The following OXR1 variants were observed in gnomAD, a reference collection of about 807,000 sequenced individuals.
OXR1 encodes the protein oxidation resistance protein 1.
A neutral mutation model predicts 104.6 loss-of-function variants in OXR1; 41 were observed. The observed-to-expected ratio is 0.39, with a 90% CI of 0.31 to 0.51. The LOEUF (loss-of-function observed/expected upper bound fraction) is 0.51, where lower values mean the gene tolerates loss of function less well. Ranked by LOEUF, OXR1 falls within the 20% of genes least tolerant of loss-of-function variation. OXR1 has a pLI of 0.77. For missense variants in OXR1, 955 were observed against 1,031.9 expected, an observed-to-expected ratio of 0.93 and a Z score of 1.02; for synonymous variants, 348 against 348.4, an observed-to-expected ratio of 1.00 and a Z score of 0.01.
intron 1 of OXR1, among the ~76,000 whole-genome samples, chr8:106,357,200 A>G (rs1483039754): frequency 6.7e-6 from 1 of 150,048 alleles, no homozygotes; most frequent in Non-Finnish European, 1.5e-5. Flanking sequence ...ATATGTGTAT[A>G]TATGTGTGTG....
At chr8:106,550,294 C>T (rs12675161) in intron 3 of OXR1, among the ~76,000 whole-genome samples, 26,439 of 152,142 alleles carry the variant, frequency 0.17, 2,443 homozygotes, top group East Asian at 0.34. Flanking sequence ...GTACACTAGA[C>T]AAAGAAGAGC....
chr8:106,398,803 C>T (rs1489407967), intron 2 of OXR1, among the ~76,000 whole-genome samples: 1 of 152,140 alleles, frequency 6.6e-6, no homozygotes, highest in Non-Finnish European at 1.5e-5. Context: ...AGGGCCTACG[C>T]TTGAAATAAT....
chr8:106,591,628 A>G (rs1819101470), intron 3 of OXR1, among the ~76,000 whole-genome samples: 1 of 152,204 alleles, frequency 6.6e-6, no homozygotes, highest in East Asian at 1.9e-4. Flanking sequence ...TCCAAAGGTC[A>G]CACAGCTGGT....
In OXR1 at chr8:106,380,838, A is replaced by T. The variant is rs73698961; in HGVS notation, c.23+21202A>T. Among the ~76,000 whole-genome samples the T allele has an allele frequency of 7.5e-3, 1,148 of 152,316 alleles. 16 individuals carry two copies. Among genetic ancestry groups the T allele is most frequent in the African/African-American group, 0.025 (1,056 of 41,576 alleles). On this transcript the variant is annotated intron_variant, in intron 2 of 16. Coordinates refer to ENST00000517566, the MANE Select transcript of OXR1 (RefSeq NM_001198533.2). ...CATTATGGAATTATAAAAGTTCTTC[A>T]TATCTTTTAGATGCAGGCCCTTATC...
chr8:106,658,239 G>C, intron 3 of OXR1: 2 of 1,230,042 alleles, frequency 1.6e-6, no homozygotes, highest in Non-Finnish European at 2.0e-6. Flanking sequence ...TGAGGGCTGT[G>C]GGGAGGCGGC....
At chr8:106,710,918 A>G (rs894646100) in intron 10 of OXR1, 128 bp downstream of exon 10, 21 of 550,182 alleles carry the variant, frequency 3.8e-5, no homozygotes, top group Admixed American at 1.7e-4. Flanking sequence ...CAATAAGTCT[A>G]TTTGAAACCA....
chr8:106,605,127 G>A (rs1345883886), intron 3 of OXR1: 1 of 152,190 alleles, frequency 6.6e-6, no homozygotes, highest in Non-Finnish European at 1.5e-5. Context: ...GTTCCTTTGT[G>A]CTGAAAACAT....
intron 3 of OXR1, among the ~76,000 whole-genome samples, chr8:106,578,140 G>A (rs896254878): frequency 1.3e-5 from 2 of 152,112 alleles, no homozygotes; most frequent in African/African-American, 4.8e-5. Flanking sequence ...TATGTTTCCC[G>A]ATATTGCATA....
chr8:106,697,696 T>G (rs1016727928), intron 7 of OXR1: 3 of 1,614,094 alleles, frequency 1.9e-6, no homozygotes, highest in South Asian at 1.1e-5. Context: ...GTCAGTGGTG[T>G]TAATGCCATA....
intron 1 of OXR1, among the ~76,000 whole-genome samples, chr8:106,276,753 CAAA>C (rs56303147): frequency 1.8e-4 from 14 of 77,746 alleles, no homozygotes; most frequent in African/African-American, 2.9e-4. Flanking sequence ...CTGTTAGAGG[CAAA>C]AAAAAAAAAA....
chr8:106,312,174 C>T (rs891204981), intron 1 of OXR1, among the ~76,000 whole-genome samples: 2 of 152,188 alleles, frequency 1.3e-5, no homozygotes, highest in African/African-American at 4.8e-5. Context: ...ATGTCTTGAA[C>T]ATACACCTCC....
intron 11 of OXR1, among the ~76,000 whole-genome samples, chr8:106,722,800 T>G (rs941600463): frequency 3.3e-5 from 5 of 152,332 alleles, no homozygotes; most frequent in Non-Finnish European, 5.9e-5. Flanking sequence ...AACATATCCC[T>G]GTCATTATGT....
chr8:106,738,987 T>C (rs1834656373), intron 12 of OXR1, among the ~76,000 whole-genome samples: 1 of 152,048 alleles, frequency 6.6e-6, no homozygotes, highest in African/African-American at 2.4e-5. Context: ...TACTATTCTT[T>C]ACATTAAAAT....
chr8:106,436,023 C>G (rs566782380), intron 2 of OXR1, among the ~76,000 whole-genome samples: 2 of 152,228 alleles, frequency 1.3e-5, no homozygotes, highest in Admixed American at 6.5e-5. Flanking sequence ...AAATCCACTT[C>G]ACATTTTTTT....
chr8:106,358,464 A>G (rs1816080713), intron 1 of OXR1, among the ~76,000 whole-genome samples: 1 of 152,122 alleles, frequency 6.6e-6, no homozygotes, highest in Admixed American at 6.5e-5. Context: ...CCTTTATTAG[A>G]ACACTTTCCC....
At chr8:106,466,896 A>G (rs115158414) in intron 2 of OXR1, among the ~76,000 whole-genome samples, 1,643 of 152,052 alleles carry the variant, frequency 0.011, 31 homozygotes, top group African/African-American at 0.037. Context: ...AGATATTTTT[A>G]TTTGATATTG....
intron 1 of OXR1, among the ~76,000 whole-genome samples, chr8:106,287,315 A>G (rs1812541385): frequency 6.6e-6 from 1 of 152,184 alleles, no homozygotes; most frequent in Non-Finnish European, 1.5e-5. Context: ...TCTTACATTG[A>G]TACTTGTCCT....
chr8:106,748,148 C>T (rs1362996834), intron 16 of OXR1, among the ~76,000 whole-genome samples: 2 of 152,178 alleles, frequency 1.3e-5, no homozygotes, highest in Non-Finnish European at 2.9e-5. Context: ...CTTTTTAATT[C>T]AAATGCGTTT....
intron 2 of OXR1, among the ~76,000 whole-genome samples, chr8:106,423,245 G>A (rs1191056960): frequency 6.6e-6 from 1 of 152,114 alleles, no homozygotes; most frequent in Non-Finnish European, 1.5e-5. Context: ...ATCACTGTAA[G>A]CTCAGTCTTT....
Sources: gnomAD v4.1 joint callset for allele counts (sites outside exome capture counted in the v4.1 genomes callset) on GRCh38, gnomAD v4.1.1 for gene constraint, MANE v1.5 for transcripts, NCBI Gene and HGNC (gene_info 2026-07-23, HGNC 2026-07-21) for gene names.